The following KIAA1328 variants were observed in gnomAD, a reference collection of about 807,000 sequenced individuals.
KIAA1328 encodes KIAA1328, also known as protein hinderin.
Under a neutral mutation model 68.1 loss-of-function variants are expected in KIAA1328, and 52 were observed. The ratio of observed to expected loss-of-function variants is 0.76; its 90% confidence interval spans 0.61 to 0.96. KIAA1328 has a LOEUF of 0.96. Among genes scored for constraint, KIAA1328 ranks in the 40% least tolerant of loss-of-function variants. The pLI is 0.00. For missense variants in KIAA1328, 641 were observed against 677.6 expected (o/e 0.95, Z 0.60); for synonymous variants, 232 against 239.4 (o/e 0.97, Z 0.28).
At chr18:36,906,992 C>T (rs1400380795) in intron 5 of KIAA1328, among the ~76,000 whole-genome samples, 1 of 152,018 alleles carries the variant, frequency 6.6e-6, no homozygotes, top group East Asian at 1.9e-4. Context: ...GAAGTTTCTT[C>T]TGTGAGTGTT....
At chr18:37,051,616 A>G (rs1267409794) in intron 6 of KIAA1328, among the ~76,000 whole-genome samples, 1 of 152,236 alleles carries the variant, frequency 6.6e-6, no homozygotes, top group East Asian at 1.9e-4. Context: ...ATTCTACCAG[A>G]TGTTCAAAGC....
chr18:36,852,017 T>G (rs948652620), intron 4 of KIAA1328, among the ~76,000 whole-genome samples: 1 of 152,180 alleles, frequency 6.6e-6, no homozygotes, highest in Non-Finnish European at 1.5e-5. Flanking sequence ...TTTCTAATTT[T>G]CTTTGTGATT....
At position 37,067,447 on chromosome 18, in the gene KIAA1328, A is replaced by C; in HGVS notation, c.1134A>C (p.Glu378Asp). 6.3e-7 allele frequency: 1 copy of C among 1,587,474 alleles called. No homozygotes were observed. Among genetic ancestry groups the C allele is most frequent in the Non-Finnish European group, 8.6e-7 (1 of 1,166,784 alleles). Residue 378 changes from glutamate to aspartate, a missense_variant, in exon 7 of 10, where the codon GAA becomes GAC. Physicochemically the swap from Glu to Asp is conservative, Grantham distance 45 (BLOSUM62 2). Transcript: ENST00000280020. ...TGATGCTTCAGAAAATGGAACTGGA[A>C]ATTGAAAAGGAGCGCCTTCAGCATC... The part of the protein sequence containing the change: ...QQLMLQKMEL[E>D]IEKERLQHLL...
At chr18:37,144,897 C>T (rs1406258536) in intron 7 of KIAA1328, among the ~76,000 whole-genome samples, 2 of 152,068 alleles carry the variant, frequency 1.3e-5, no homozygotes, top group African/African-American at 4.8e-5. Flanking sequence ...AAAATATTTA[C>T]TAACTTATCC....
At chr18:37,218,241 C>G (rs552474861) in intron 9 of KIAA1328, among the ~76,000 whole-genome samples, 3 of 152,378 alleles carry the variant, frequency 2.0e-5, no homozygotes, top group Admixed American at 2.0e-4. Flanking sequence ...CAGACAGGAA[C>G]TCAAGGCTTT....
intron 6 of KIAA1328, among the ~76,000 whole-genome samples, chr18:37,055,832 T>C (rs944510674): frequency 2.6e-5 from 4 of 152,196 alleles, no homozygotes; most frequent in African/African-American, 9.7e-5. Flanking sequence ...AGTGGGAATA[T>C]GAGGATTGTT....
chr18:36,957,075 C>CT, intron 5 of KIAA1328, among the ~76,000 whole-genome samples: 1 of 152,234 alleles, frequency 6.6e-6, no homozygotes, highest in East Asian at 1.9e-4. Flanking sequence ...CCTCTGGCTC[C>CT]TTTTTTGTTA....
chr18:36,951,803 C>A (rs1307904652), intron 5 of KIAA1328, among the ~76,000 whole-genome samples: 2 of 152,144 alleles, frequency 1.3e-5, no homozygotes, highest in Non-Finnish European at 2.9e-5. Flanking sequence ...CTTTTTAACC[C>A]CTTATCCCTA....
chr18:37,005,584 A>G (rs2053752662), intron 6 of KIAA1328, among the ~76,000 whole-genome samples: 1 of 152,164 alleles, frequency 6.6e-6, no homozygotes, highest in Non-Finnish European at 1.5e-5. Context: ...TAATTGAACC[A>G]CTAATGCCAC....
intron 6 of KIAA1328, among the ~76,000 whole-genome samples, chr18:37,059,637 C>T (rs1443016497): frequency 6.6e-6 from 1 of 152,160 alleles, no homozygotes; most frequent in Non-Finnish European, 1.5e-5. Flanking sequence ...GTGGCGATTC[C>T]TCAAGGATCT....
At chr18:37,056,781 G>C (rs899282681) in intron 6 of KIAA1328, among the ~76,000 whole-genome samples, 4 of 152,020 alleles carry the variant, frequency 2.6e-5, no homozygotes, top group East Asian at 1.9e-4. Flanking sequence ...CTTCCAAGTA[G>C]CTGGGATTGC....
intron 7 of KIAA1328, among the ~76,000 whole-genome samples, chr18:37,094,205 C>G (rs1041680700): frequency 1.3e-5 from 2 of 152,174 alleles, no homozygotes; most frequent in Non-Finnish European, 2.9e-5. Context: ...AGGCAGAGCT[C>G]AGGCAGTAAT....
intron 9 of KIAA1328, among the ~76,000 whole-genome samples, chr18:37,190,189 G>T (rs575171942): frequency 6.6e-6 from 1 of 152,290 alleles, no homozygotes; most frequent in Non-Finnish European, 1.5e-5. Context: ...GCACTTGGGA[G>T]AAACCGTAGT....
downstream of KIAA1328, among the ~76,000 whole-genome samples, chr18:37,228,146 A>G (rs2060648692): frequency 6.6e-6 from 1 of 152,212 alleles, no homozygotes; most frequent in South Asian, 2.1e-4. Context: ...TCATGATAAA[A>G]CTTGAACAGA....
Position 36,912,834 on chromosome 18 carries a change from G to C in KIAA1328, c.448+27162G>C, listed in dbSNP as rs895607194. Among the ~76,000 whole-genome samples, 6 of 152,286 alleles carry C rather than the reference G, an allele frequency of 3.9e-5. No homozygotes were observed. The South Asian group carries it at 1.2e-3, about 32-fold the overall frequency. ...CCTAAGGTACAGTTCCTATCTATCTGTGAAATTCTGAAATTCAGACAGGTT... is the reference window on the plus strand; with the variant it reads ...CCTAAGGTACAGTTCCTATCTATCTCTGAAATTCTGAAATTCAGACAGGTT... On this transcript the variant is annotated intron_variant, in intron 5 of 9. Transcript: ENST00000280020.
chr18:36,934,314 TTTA>T (rs1332018158), intron 5 of KIAA1328, among the ~76,000 whole-genome samples: 3 of 152,088 alleles, frequency 2.0e-5, no homozygotes, highest in East Asian at 1.9e-4. Flanking sequence ...TTTATTTTAT[TTTA>T]TTATTATTAT....
chr18:37,218,361 T>C (rs1046914962), intron 9 of KIAA1328, among the ~76,000 whole-genome samples: 1 of 152,216 alleles, frequency 6.6e-6, no homozygotes, highest in Admixed American at 6.5e-5. Context: ...CTTACACAGG[T>C]TAACTCCTTA....
intron 4 of KIAA1328, among the ~76,000 whole-genome samples, chr18:36,855,518 A>G (rs960136202): frequency 6.6e-6 from 1 of 151,592 alleles, no homozygotes; most frequent in Non-Finnish European, 1.5e-5. Flanking sequence ...TTGTTGAGTT[A>G]TAATGTTTCT....
intron 7 of KIAA1328, among the ~76,000 whole-genome samples, chr18:37,077,239 G>T (rs916138790): frequency 7.3e-6 from 1 of 137,912 alleles, no homozygotes; most frequent in Non-Finnish European, 1.5e-5. Flanking sequence ...AAAACTGCAC[G>T]ATTATCTCAA....
Sources: gnomAD v4.1 joint callset for allele counts (sites outside exome capture counted in the v4.1 genomes callset) on GRCh38, gnomAD v4.1.1 for gene constraint, MANE v1.5 for transcripts, NCBI Gene and HGNC (gene_info 2026-07-23, HGNC 2026-07-21) for gene names.